Variants in WDR37 observed in about 807,000 individuals in gnomAD.
WDR37 encodes the protein WD repeat-containing protein 37.
Under a neutral mutation model 62.9 loss-of-function variants are expected in WDR37, and 19 were observed. The observed-to-expected ratio is 0.30, with a 90% CI of 0.21 to 0.44. The LOEUF (loss-of-function observed/expected upper bound fraction) is 0.44. WDR37 is among the 20% of genes least tolerant of loss of function. The pLI is 1.00. For missense variants in WDR37, 474 were observed against 657.6 expected, an observed-to-expected ratio of 0.72 and a Z score of 3.05; for synonymous variants, 250 against 260.9, an observed-to-expected ratio of 0.96 and a Z score of 0.40.
rs891486371 is a variant in WDR37 at position 1,130,837 on chromosome 10, C to T, written c.*1493C>T. ...TGCAGCTCGCCAGGGATGAGAGGCACCTCCCTACTTGGGTCTTCAGGAGCT... is the reference window on the plus strand; with the variant it reads ...TGCAGCTCGCCAGGGATGAGAGGCATCTCCCTACTTGGGTCTTCAGGAGCT... On this transcript the variant is annotated 3_prime_UTR_variant, in exon 14 of 14. Transcript: ENST00000263150. The T allele has an allele frequency of 1.3e-5, 2 of 151,662 alleles. No individual in the cohort carries two copies. The highest frequency in any genetic ancestry group is 2.9e-5 in the Non-Finnish European group (2 of 68,000). The allele number at this position is 151,662 out of a possible 1,614,324, so 9.4% of individuals were successfully genotyped here.
In WDR37 at chr10:1,131,948, C is replaced by CA. The variant is rs1835957285; in HGVS notation, c.*2609dup. ...CACTGCTCATCAGTTTCTGTAGAGA[C>CA]AAAAACTCTGTACATATTTTGGAAT... On this transcript the variant is annotated 3_prime_UTR_variant, in exon 14 of 14. Coordinates refer to ENST00000263150, the MANE Select transcript of WDR37 (RefSeq NM_014023.4). The CA allele has an allele frequency of 2.0e-5, 3 of 152,590 alleles. No homozygotes were observed. Among genetic ancestry groups the CA allele is most frequent in the South Asian group, 4.1e-4 (2 of 4,828 alleles). The allele number at this position is 152,590 out of a possible 1,614,324, so 9.5% of individuals were successfully genotyped here. A position where few individuals can be genotyped will look rare whatever the true frequency, so the allele number is the denominator to read the frequency against.
rs1834133505 is a variant in WDR37, at chr10:1,084,550, A to G, written c.532+12A>G. 6.2e-7 allele frequency: 1 copy of G among 1,611,308 alleles called. No individual in the cohort carries two copies. Among genetic ancestry groups the G allele is most frequent in the Non-Finnish European group, 8.5e-7 (1 of 1,177,860 alleles). On this transcript the variant is annotated intron_variant, in intron 6 of 13. Coordinates refer to ENST00000263150, the MANE Select transcript of WDR37 (RefSeq NM_014023.4). ...GACTGCATCAGCCGGTGAGTCGCAC[A>G]CGGACCTGGCCAGCCTGCGGAAGCA...
chr10:1,108,514 C>T (rs187040045), intron 11 of WDR37, among the ~76,000 whole-genome samples: 8 of 152,294 alleles, frequency 5.3e-5, no homozygotes, highest in East Asian at 1.9e-4. Context: ...TTTCAAATAG[C>T]GAAGCGACAC....
At chr10:1,115,951 A>G (rs1835381491) in intron 11 of WDR37, among the ~76,000 whole-genome samples, 1 of 152,176 alleles carries the variant, frequency 6.6e-6, no homozygotes, top group African/African-American at 2.4e-5. Context: ...CCCTACCCAT[A>G]TGCCTGAAAG....
At chr10:1,069,139 T>C (rs1374348871) in intron 1 of WDR37, among the ~76,000 whole-genome samples, 1 of 152,164 alleles carries the variant, frequency 6.6e-6, no homozygotes, top group African/African-American at 2.4e-5. Context: ...ATCGCACAAC[T>C]TCCTGAGTAT....
intron 11 of WDR37, among the ~76,000 whole-genome samples, chr10:1,110,791 A>G (rs1835191290): frequency 6.6e-6 from 1 of 152,234 alleles, no homozygotes; most frequent in South Asian, 2.1e-4. Context: ...GGCATCGCCA[A>G]GGACATCCGT....
At chr10:1,075,067 C>G (rs1033886256) in intron 2 of WDR37, among the ~76,000 whole-genome samples, 1 of 152,204 alleles carries the variant, frequency 6.6e-6, no homozygotes, top group Admixed American at 6.5e-5. Flanking sequence ...ACCAAAAGTT[C>G]AACAACTCGT....
intron 2 of WDR37, among the ~76,000 whole-genome samples, chr10:1,073,888 C>T (rs944613429): frequency 2.0e-5 from 3 of 152,170 alleles, no homozygotes; most frequent in African/African-American, 7.2e-5. Flanking sequence ...TCTTTCAGGG[C>T]CCTGCTTCCA....
intron 9 of WDR37, among the ~76,000 whole-genome samples, chr10:1,102,487 G>C (rs1834857333): frequency 1.3e-5 from 2 of 152,204 alleles, no homozygotes; most frequent in African/African-American, 4.8e-5. Context: ...ACCAGCATCT[G>C]CTTGGCTTCT....
At chr10:1,074,649 G>T in intron 2 of WDR37, 1 of 651,046 alleles carries the variant, frequency 1.5e-6, no homozygotes, top group Non-Finnish European at 2.4e-6. Context: ...GGCATGGTAG[G>T]TGTGAGGGGG....
intron 8 of WDR37, 52 bp downstream of exon 8, chr10:1,093,548 A>T: frequency 1.4e-6 from 2 of 1,388,822 alleles, no homozygotes; most frequent in Middle Eastern, 1.8e-4. Flanking sequence ...TCTTAAAACA[A>T]CTATAAATAT....
rs1589126334 is a variant in WDR37, at chr10:1,125,006, T to C, written c.1335T>C (p.Leu445=). The C allele has an allele frequency of 6.2e-7, 1 of 1,614,140 alleles. No individual in the cohort carries two copies. The highest frequency in any genetic ancestry group is 8.5e-7 in the Non-Finnish European group (1 of 1,180,022). Residue 445 remains leucine (L), a synonymous_variant, in exon 13 of 14, where the codon CTT becomes CTC. Coordinates refer to ENST00000263150, the MANE Select transcript of WDR37 (RefSeq NM_014023.4). ...FDMSGVRLAR[L]PRSSRQGHRR... is the part of the protein sequence containing the mutation. ...TGTCAGGAGTGCGCCTGGCGCGGCT[T>C]CCCCGGAGCAGCCGACAGGTAACAG...
At chr10:1,064,154 T>C (rs1172493464) in intron 1 of WDR37, among the ~76,000 whole-genome samples, 1 of 152,074 alleles carries the variant, frequency 6.6e-6, no homozygotes, top group Non-Finnish European at 1.5e-5. Context: ...AAATAGAATA[T>C]GTGAAATAAA....
At position 1,086,320 on chromosome 10, in the gene WDR37, G is replaced by A. The variant is rs1834199516; in HGVS notation, c.567G>A (p.Gly189=). Residue 189 remains glycine, a synonymous_variant, in exon 7 of 14, where the codon GGG becomes GGA. Transcript: ENST00000263150. ...HTALLWSIET[G]KCLVKYAGHV... is the part of the protein sequence containing the mutation. The stretch of plus-strand genomic sequence containing the variant: ...CTTTGCTGTGGAGCATAGAGACAGG[G>A]AAGTGCCTAGTCAAGTACGCAGGCC... The A allele has an allele frequency of 6.2e-7, 1 of 1,614,066 alleles. No homozygotes were observed.
intron 1 of WDR37, among the ~76,000 whole-genome samples, chr10:1,057,367 C>T (rs1196362905): frequency 6.6e-6 from 1 of 152,030 alleles, no homozygotes; most frequent in Non-Finnish European, 1.5e-5. Context: ...CTCCCCGCCC[C>T]CTTTGCTTCG....
chr10:1,113,035 A>G (rs564807648), intron 11 of WDR37, among the ~76,000 whole-genome samples: 2 of 152,310 alleles, frequency 1.3e-5, no homozygotes, highest in South Asian at 4.1e-4. Context: ...GCCACGTAGA[A>G]CTTTCCTAGC....
chr10:1,103,896 G>A lies in WDR37; in HGVS notation c.961+60G>A. 1 of 1,539,064 alleles carries A rather than the reference G, an allele frequency of 6.5e-7. No individual in the cohort carries two copies. Among genetic ancestry groups the A allele is most frequent in the Non-Finnish European group, 8.9e-7 (1 of 1,126,434 alleles). The stretch of plus-strand genomic sequence containing the variant: ...TGTGCATGTTAGTTTATGTCCATGG[G>A]TTATGTCTGACCTTGCCACTTACTT... On this transcript the variant is annotated intron_variant, in intron 10 of 13. Transcript: ENST00000263150. The surrounding 1 kb of genome is among the most constrained non-coding windows in gnomAD (Gnocchi z 6.3).
intron 7 of WDR37, among the ~76,000 whole-genome samples, chr10:1,088,158 G>A (rs1379592653): frequency 6.6e-6 from 1 of 152,150 alleles, no homozygotes; most frequent in Non-Finnish European, 1.5e-5. Flanking sequence ...GCAGCTAAAG[G>A]GAATGTTGTG....
Position 1,080,053 on chromosome 10 carries a change from A to G in WDR37, c.278A>G (p.Glu93Gly). The change falls in exon 4 of 14, where the codon GAA (glutamate) becomes GGA (glycine). Residue 93 changes from glutamate to glycine, a missense_variant. Coordinates refer to ENST00000263150, the MANE Select transcript of WDR37 (RefSeq NM_014023.4). ...ACTCTTAATGAACGTTTAGCTGCTGAAGGACAAGCGATTGATGGAGCAGAG... is the reference window on the plus strand; with the variant it reads ...ACTCTTAATGAACGTTTAGCTGCTGGAGGACAAGCGATTGATGGAGCAGAG... ...IDTLNERLAA[E>G]GQAIDGAELS... is the part of the protein sequence containing the mutation. 6.2e-7 allele frequency: 1 copy of G among 1,614,170 alleles called. No homozygotes were observed. Among genetic ancestry groups the G allele is most frequent in the Non-Finnish European group, 8.5e-7 (1 of 1,180,018 alleles).
Sources: allele counts gnomAD v4.1 joint callset (sites outside exome capture counted in the v4.1 genomes callset), GRCh38; gene constraint gnomAD v4.1.1; non-coding constraint Gnocchi (gnomAD v3.1); transcripts MANE v1.5; gene names NCBI Gene and HGNC (gene_info 2026-07-23, HGNC 2026-07-21).